CDH2: variants seen among roughly 807,000 people sequenced by gnomAD.
CDH2 encodes the protein cadherin-2.
A neutral mutation model predicts 92.0 loss-of-function variants in CDH2; 17 were observed. The observed-to-expected ratio is 0.18, with a 90% CI of 0.13 to 0.28. CDH2 has a LOEUF of 0.28. CDH2 is among the 10% of genes least tolerant of loss of function. The probability of loss-of-function intolerance (pLI) is 1.00; values close to 1 mark genes in which losing one functional copy is unlikely to be tolerated. For synonymous variants in CDH2, 419 were observed against 415.9 expected (o/e 1.01, Z -0.09); for missense variants, 862 against 1,133.1 (o/e 0.76, Z 3.44).
chr18:28,119,364 G>A (rs921488457), intron 2 of CDH2, among the ~76,000 whole-genome samples: 16 of 152,008 alleles, frequency 1.1e-4, no homozygotes, highest in Non-Finnish European at 1.9e-4. Flanking sequence ...TGTGTGAATA[G>A]AATAATGTTC....
At chr18:28,103,504 T>C (rs555619494) in intron 2 of CDH2, among the ~76,000 whole-genome samples, 85 of 149,580 alleles carry the variant, frequency 5.7e-4, no homozygotes, top group Non-Finnish European at 1.1e-3. Flanking sequence ...CACACATATA[T>C]ACACACACAC....
chr18:27,936,960 A>C (rs1246670259), intron 6 of CDH2, among the ~76,000 whole-genome samples: 1 of 152,228 alleles, frequency 6.6e-6, no homozygotes, highest in Non-Finnish European at 1.5e-5. Flanking sequence ...TCTAATTCAA[A>C]AGGAAACTTT....
intron 6 of CDH2, among the ~76,000 whole-genome samples, chr18:27,944,075 T>G (rs766414809): frequency 1.6e-4 from 25 of 152,174 alleles, no homozygotes; most frequent in Non-Finnish European, 3.2e-4. Flanking sequence ...AAAAGCGATT[T>G]AAAATGAAAA....
At chr18:28,096,036 A>G (rs1429617081) in intron 2 of CDH2, among the ~76,000 whole-genome samples, 2 of 152,192 alleles carry the variant, frequency 1.3e-5, no homozygotes, top group Admixed American at 1.3e-4. Context: ...TTTATAGGTC[A>G]CTGTGAGGGT....
intron 2 of CDH2, among the ~76,000 whole-genome samples, chr18:28,073,943 T>C (rs2014668596): frequency 6.6e-6 from 1 of 152,208 alleles, no homozygotes; most frequent in Non-Finnish European, 1.5e-5. Flanking sequence ...GTTTAGCCAT[T>C]CACTATCTTG....
chr18:28,020,971 T>C (rs1337397789), intron 2 of CDH2, among the ~76,000 whole-genome samples: 2 of 151,966 alleles, frequency 1.3e-5, no homozygotes, highest in East Asian at 1.9e-4. Flanking sequence ...GTTTATTAAG[T>C]TGAAAAAGTA....
At chr18:28,022,040 C>T (rs971634401) in intron 2 of CDH2, among the ~76,000 whole-genome samples, 2 of 151,892 alleles carry the variant, frequency 1.3e-5, no homozygotes, top group South Asian at 4.2e-4. Context: ...GGAGAAACTG[C>T]CACAACAGTA....
chr18:28,034,368 C>T (rs139283216), intron 2 of CDH2, among the ~76,000 whole-genome samples: 11 of 152,154 alleles, frequency 7.2e-5, no homozygotes, highest in African/African-American at 2.4e-4. Context: ...ATGAAAAATA[C>T]AATGGTTTTT....
At chr18:28,007,165 A>AAAAAAAAATATATATATATATATATATAT (rs1172779200) in intron 5 of CDH2, among the ~76,000 whole-genome samples, 1 of 110,502 alleles carries the variant, frequency 9.0e-6, no homozygotes, top group African/African-American at 4.4e-5. Context: ...ATAAAAAAAA[A>AAAAAAAAATATATATATATATATATATAT]ATATATATAT....
At chr18:27,953,443 G>A (rs533903066) in intron 15 of CDH2, among the ~76,000 whole-genome samples, 1 of 152,062 alleles carries the variant, frequency 6.6e-6, no homozygotes, top group East Asian at 1.9e-4. Flanking sequence ...CCAAACAATC[G>A]TTTGCTTTTT....
At chr18:28,016,623 T>C (rs2013255234) in intron 2 of CDH2, among the ~76,000 whole-genome samples, 1 of 152,186 alleles carries the variant, frequency 6.6e-6, no homozygotes, top group African/African-American at 2.4e-5. Flanking sequence ...GTTCTGCAGA[T>C]GAGGATGAAA....
In CDH2 at chr18:28,036,440, T is replaced by A. The variant is rs1012251471; in HGVS notation, c.173-22531A>T. ...TTTCCAAGTTAACTAAATCACCATGTTATGGAATGAATAAGGCAATTTTTG... is the reference window on the plus strand; with the variant it reads ...TTTCCAAGTTAACTAAATCACCATGATATGGAATGAATAAGGCAATTTTTG... On this transcript the variant is annotated intron_variant, in intron 2 of 15. Coordinates refer to ENST00000269141, the MANE Select transcript of CDH2 (RefSeq NM_001792.5). 5.0e-6 allele frequency: 5 copies of A among 991,448 alleles called. No homozygotes were observed. The African/African-American group carries it at 7.9e-5, about 16-fold the overall frequency. 61.4% of individuals were successfully genotyped at this position (991,448 alleles called of 1,614,324 possible).
intron 2 of CDH2, among the ~76,000 whole-genome samples, chr18:28,124,121 G>T (rs1021226296): frequency 5.9e-5 from 9 of 151,790 alleles, no homozygotes; most frequent in African/African-American, 9.7e-5. Flanking sequence ...TGCCTGTAGT[G>T]ATTTTTTTTT....
intron 2 of CDH2, among the ~76,000 whole-genome samples, chr18:28,082,242 T>TAA (rs67006006): frequency 2.7e-5 from 4 of 148,172 alleles, no homozygotes; most frequent in Admixed American, 1.3e-4. Context: ...CTCTTGTCTC[T>TAA]AAAAAAAAAA....
intron 2 of CDH2, among the ~76,000 whole-genome samples, chr18:28,140,548 C>T (rs2015935551): frequency 1.3e-5 from 2 of 151,784 alleles, no homozygotes; most frequent in African/African-American, 4.8e-5. Flanking sequence ...TTCCTTGCCT[C>T]TTCTACCATG....
At chr18:27,944,593 C>T (rs1051747436) in intron 6 of CDH2, among the ~76,000 whole-genome samples, 5 of 151,942 alleles carry the variant, frequency 3.3e-5, no homozygotes, top group African/African-American at 4.8e-5. Flanking sequence ...ACCTCTTCTC[C>T]TCCTTCTGCC....
In CDH2 at chr18:27,942,038, C is replaced by T. The variant is rs534915223; in HGVS notation, c.1152-8914G>A. ...TAAATTATATAAAACATATTTAATG[C>T]TGCTTTTAATAATGGTAAAAAGTTC... On this transcript the variant is annotated intron_variant, in intron 6 of 6. Transcript: ENST00000675173. Among the ~76,000 whole-genome samples the T allele has an allele frequency of 1.2e-4, 19 of 152,258 alleles. No individual in the cohort carries two copies. The East Asian group carries it at 3.7e-3, about 29-fold the overall frequency.
At chr18:28,050,002 A>G (rs1162704046) in intron 2 of CDH2, among the ~76,000 whole-genome samples, 1 of 152,136 alleles carries the variant, frequency 6.6e-6, no homozygotes, top group Non-Finnish European at 1.5e-5. Context: ...ACCATGCAAA[A>G]GAACATGTTC....
intron 2 of CDH2, among the ~76,000 whole-genome samples, chr18:28,063,332 G>C (rs955149517): frequency 3.3e-5 from 5 of 152,270 alleles, no homozygotes; most frequent in Non-Finnish European, 5.9e-5. Context: ...GGGTAGAGGA[G>C]TCAACAACCA....
Sources: allele counts gnomAD v4.1 joint callset (sites outside exome capture counted in the v4.1 genomes callset), GRCh38; gene constraint gnomAD v4.1.1; transcripts MANE v1.5; gene names NCBI Gene and HGNC (gene_info 2026-07-23, HGNC 2026-07-21).